The following GPR137 variants were observed in gnomAD, a reference collection of about 807,000 sequenced individuals.
The protein encoded by GPR137 is G protein-coupled receptor 137.
Under a neutral mutation model 38.9 loss-of-function variants are expected in GPR137, and 20 were observed. The observed-to-expected ratio is 0.51, with a 90% CI of 0.36 to 0.75. The LOEUF is 0.75. Ranked by LOEUF, GPR137 falls within the 30% of genes least tolerant of loss-of-function variation. The pLI is 0.00. For missense variants in GPR137, 456 were observed against 526.4 expected (o/e 0.87, Z 1.31); for synonymous variants, 226 against 235.8 (o/e 0.96, Z 0.38).
Position 64,286,871 on chromosome 11 carries a change from A to G in GPR137, c.347A>G (p.Tyr116Cys). ...QFFTLTLMNL[Y>C]FAQVVFKAKV... Reference sequence around the variant, plus strand: ...TTCACCTTGACGCTTATGAACCTCTACTTTGCCCAGGTAACCAACTGTGGT... The same window carrying G: ...TTCACCTTGACGCTTATGAACCTCTGCTTTGCCCAGGTAACCAACTGTGGT... Residue 116 changes from tyrosine (Y) to cysteine (C), a missense_variant, in exon 1 of 7, where the codon TAC (tyrosine) becomes TGC (cysteine). Physicochemically the swap from Tyr to Cys is radical, Grantham distance 194. Coordinates refer to ENST00000438980, the MANE Select transcript of GPR137 (RefSeq NM_001170880.2). The G allele has an allele frequency of 4.4e-6, 7 of 1,601,094 alleles. No individual in the cohort carries two copies. Among genetic ancestry groups the G allele is most frequent in the Non-Finnish European group, 6.0e-6 (7 of 1,171,230 alleles).
At chr11:64,271,481 G>T, upstream of GPR137, 1 of 948,568 alleles carries the variant, frequency 1.1e-6, no homozygotes, top group Admixed American at 3.8e-5. Flanking sequence ...CTGGAGCTAG[G>T]AAGGAACAGG....
chr11:64,281,861 T>C (rs2033501141), upstream of GPR137, among the ~76,000 whole-genome samples: 1 of 152,162 alleles, frequency 6.6e-6, no homozygotes, highest in African/African-American at 2.4e-5. Flanking sequence ...GCTGGGACTA[T>C]AGGTGCGCGC....
chr11:64,284,929 C>T, upstream of GPR137: 3 of 1,408,832 alleles, frequency 2.1e-6, no homozygotes, highest in Middle Eastern at 2.0e-4. Context: ...TCTGGGGTCC[C>T]CATTTGGAAC....
At chr11:64,271,786 T>G, upstream of GPR137, 1 of 1,414,076 alleles carries the variant, frequency 7.1e-7, no homozygotes, top group Non-Finnish European at 9.2e-7. Context: ...CGACTCCGGA[T>G]CTCCACAGCC....
intron 3 of GPR137, 47 bp downstream of exon 3, chr11:64,287,993 A>G: frequency 6.2e-7 from 1 of 1,602,026 alleles, no homozygotes; most frequent in Non-Finnish European, 8.5e-7. Context: ...GTCTCTCGGC[A>G]GCGGTTCTCA....
chr11:64,276,270 A>G (rs1443451364), intron 1 of GPR137: 3 of 130,902 alleles, frequency 2.3e-5, no homozygotes, highest in African/African-American at 3.2e-5. Context: ...AAATATACAT[A>G]TATTTATGTG....
upstream of GPR137, among the ~76,000 whole-genome samples, chr11:64,273,756 C>T (rs2032820905): frequency 6.8e-6 from 1 of 147,284 alleles, no homozygotes; most frequent in Non-Finnish European, 1.5e-5. Flanking sequence ...GTGGCAGGCA[C>T]CTGTAATCCC....
At chr11:64,270,898 G>GACACACACACAC (rs1491175311), upstream of GPR137, among the ~76,000 whole-genome samples, 5 of 86,948 alleles carry the variant, frequency 5.8e-5, 1 homozygote, top group East Asian at 3.6e-4. Context: ...CATGCCCTGT[G>GACACACACACAC]AGACACACAC....
upstream of GPR137, among the ~76,000 whole-genome samples, chr11:64,282,118 G>T (rs999774521): frequency 6.6e-6 from 1 of 152,208 alleles, no homozygotes; most frequent in Non-Finnish European, 1.5e-5. Context: ...CTCACTAGAA[G>T]GTAAGCTCCA....
chr11:64,279,925 T>C (rs1388945070), upstream of GPR137, among the ~76,000 whole-genome samples: 4 of 152,116 alleles, frequency 2.6e-5, no homozygotes, highest in Non-Finnish European at 5.9e-5. Flanking sequence ...GGCTCATGCC[T>C]GTAATCCCAG....
At chr11:64,284,434 A>G (rs1300709269), upstream of GPR137, 4 of 1,606,022 alleles carry the variant, frequency 2.5e-6, no homozygotes, top group Non-Finnish European at 3.4e-6. Context: ...GTGGCCCTGG[A>G]AGGCAGAGGC....
upstream of GPR137, among the ~76,000 whole-genome samples, chr11:64,273,245 C>T (rs531357156): frequency 2.5e-4 from 38 of 152,234 alleles, no homozygotes; most frequent in South Asian, 6.8e-3. Flanking sequence ...TGGTGGTTCA[C>T]GCCTGTAGTC....
chr11:64,284,274 G>C (rs770729654), upstream of GPR137: 20 of 1,611,528 alleles, frequency 1.2e-5, no homozygotes, highest in Non-Finnish European at 1.4e-5. Context: ...GCCGGAGCCT[G>C]AGGGCCCGTC....
In GPR137 at chr11:64,286,804, C is replaced by T; in HGVS notation, c.280C>T (p.Pro94Ser). 1.2e-6 allele frequency: 2 copies of T among 1,604,394 alleles called. No homozygotes were observed. Among genetic ancestry groups the T allele is most frequent in the Non-Finnish European group, 1.7e-6 (2 of 1,174,002 alleles). The change falls in exon 1 of 7, where the codon CCC becomes TCC. Residue 94 changes from proline (P) to serine (S), a missense_variant. Pro to Ser is a moderately conservative substitution (Grantham distance 74). Transcript: ENST00000438980. ...TPRANRLGPL[P>S]FWLLYCCPVC... Reference sequence around the variant, plus strand: ...CCGCGCCAACCGCCTGGGGCCCTTGCCCTTCTGGCTTCTCTACTGCTGCCC... The same window carrying T: ...CCGCGCCAACCGCCTGGGGCCCTTGTCCTTCTGGCTTCTCTACTGCTGCCC...
At chr11:64,275,612 G>A (rs1006438150), upstream of GPR137, 1 of 152,196 alleles carries the variant, frequency 6.6e-6, no homozygotes, top group African/African-American at 2.4e-5. Flanking sequence ...CAGAGGCAGA[G>A]GTTAAGAACT....
chr11:64,284,604 C>T (rs540148087), upstream of GPR137: 1,036 of 1,501,766 alleles, frequency 6.9e-4, 4 homozygotes, highest in South Asian at 2.1e-3. Flanking sequence ...CCCCGCCCCG[C>T]CCGTGGTGAC....
rs771262718 is a variant in GPR137, at chr11:64,288,104, A to G, written c.673A>G (p.Met225Val). 1.9e-6 allele frequency: 3 copies of G among 1,612,222 alleles called. No individual in the cohort carries two copies. Among genetic ancestry groups the G allele is most frequent in the Middle Eastern group, 1.6e-4 (1 of 6,062 alleles). Residue 225 changes from methionine (M) to valine (V), a missense_variant, in exon 4 of 7, where the codon ATG becomes GTG. By Grantham distance (21) the Met-to-Val change is conservative. Coordinates refer to ENST00000438980, the MANE Select transcript of GPR137 (RefSeq NM_001170880.2). This position sits in a 1 kb window ranked among gnomAD's most constrained non-coding sequence, Gnocchi z 5.5. ...VCQAAAMGGA[M>V]VLLYASRACY... ...CCAGGCGGCCGCGATGGGTGGCGCC[A>G]TGGTCCTGCTCTATGCCAGCCGGGC...
rs556487730 is a variant in GPR137, at chr11:64,289,382, C to T, written c.*186C>T. On this transcript the variant is annotated 3_prime_UTR_variant, in exon 7 of 7. Transcript: ENST00000438980. The stretch of plus-strand genomic sequence containing the variant: ...TCCCCCTAGGATGGGGGGCATGGCC[C>T]TGGCTGCCAGATGCCCACAGCACCC... 1 of 1,556,618 alleles carries T rather than the reference C, an allele frequency of 6.4e-7. No individual in the cohort carries two copies. The highest frequency in any genetic ancestry group is 1.2e-5 in the South Asian group (1 of 81,270).
At position 64,288,221 on chromosome 11, in the gene GPR137, A is replaced by G. The variant is rs773212549; in HGVS notation, c.783+7A>G. ...GTACAATGTGTCTGACCAGGTGGGC[A>G]TACGCATGTCTGCCACCTCCTTAGT... On this transcript the variant is annotated splice_region_variant and intron_variant, in intron 4 of 6. Coordinates refer to ENST00000438980, the MANE Select transcript of GPR137 (RefSeq NM_001170880.2). The surrounding 1 kb of genome is among the most constrained non-coding windows in gnomAD (Gnocchi z 5.5). 15 of 1,611,686 alleles carry G rather than the reference A, an allele frequency of 9.3e-6. No homozygotes were observed. The highest frequency in any genetic ancestry group is 3.3e-5 in the South Asian group (3 of 91,034).
Sources: gnomAD v4.1 joint callset for allele counts (sites outside exome capture counted in the v4.1 genomes callset) on GRCh38, gnomAD v4.1.1 for gene constraint, Gnocchi (gnomAD v3.1) non-coding constraint, MANE v1.5 for transcripts, NCBI Gene and HGNC (gene_info 2026-07-23, HGNC 2026-07-21) for gene names.